Variants in DNAI2 observed in about 807,000 individuals in gnomAD.
DNAI2 encodes the protein dynein, axonemal, intermediate polypeptide 2.
A neutral mutation model predicts 74.7 loss-of-function variants in DNAI2; 63 were observed. The observed-to-expected ratio is 0.84, with a 90% CI of 0.69 to 1.04. DNAI2 has a LOEUF of 1.04. Among genes scored for constraint, DNAI2 ranks in the 50% least tolerant of loss-of-function variants. The pLI, the probability that DNAI2 is intolerant of heterozygous loss-of-function variation, is 0.00. For missense variants in DNAI2, 688 were observed against 803.2 expected, an observed-to-expected ratio of 0.86 and a Z score of 1.73; for synonymous variants, 289 against 314.9, an observed-to-expected ratio of 0.92 and a Z score of 0.87.
chr17:74,305,362 G>A lies in DNAI2; in HGVS notation c.1131G>A (p.Pro377=), dbSNP rs59499600. The change falls in exon 9 of 14, where the codon CCG becomes CCA. Residue 377 remains proline, a synonymous_variant. Coordinates refer to ENST00000311014, the MANE Select transcript of DNAI2 (RefSeq NM_023036.6). The part of the protein sequence containing the change: ...IYALQRNPFY[P]KNFLTVGDWT... The stretch of plus-strand genomic sequence containing the variant: ...CCCTCCAGAGAAACCCCTTCTACCC[G>A]AAGAACTTCCTGACGGTTGGCGACT... 2.3e-3 allele frequency: 3,717 copies of A among 1,614,112 alleles called. 68 individuals are homozygous for A. The African/African-American group carries it at 0.042, about 18-fold the overall frequency.
rs977190552 is a variant in DNAI2 at position 74,291,203 on chromosome 17, C to T, written c.724+70C>T. On this transcript the variant is annotated intron_variant, in intron 6 of 13. Coordinates refer to ENST00000311014, the MANE Select transcript of DNAI2 (RefSeq NM_023036.6). ...TAGATGGAATTTTGCTCTTGTTTCC[C>T]AGGCTGGAGTGTAGTGGTGCAATTT... 13 of 1,334,640 alleles carry T rather than the reference C, an allele frequency of 9.7e-6. No homozygotes were observed. In the African/African-American group the frequency reaches 1.8e-4, roughly 18 times the overall value. 82.7% of individuals were successfully genotyped at this position (1,334,640 alleles called of 1,614,324 possible). A position where few individuals can be genotyped will look rare whatever the true frequency, so the allele number is the denominator to read the frequency against.
chr17:74,292,846 T>TG (rs2052199367), intron 6 of DNAI2, among the ~76,000 whole-genome samples: 1 of 151,736 alleles, frequency 6.6e-6, no homozygotes, highest in Non-Finnish European at 1.5e-5. Context: ...TTTTTTTTTT[T>TG]TGGGACGGAG....
chr17:74,290,782 G>A (rs980466630), intron 5 of DNAI2, among the ~76,000 whole-genome samples: 3 of 152,096 alleles, frequency 2.0e-5, no homozygotes, highest in Non-Finnish European at 2.9e-5. Context: ...ACACACATAC[G>A]CACACCCCAA....
At chr17:74,298,218 C>G (rs1262653805) in intron 6 of DNAI2, among the ~76,000 whole-genome samples, 3 of 152,264 alleles carry the variant, frequency 2.0e-5, no homozygotes, top group African/African-American at 7.2e-5. Flanking sequence ...AAGGGCCCCT[C>G]TAGGGCCATG....
chr17:74,287,438 A>C (rs916466735), intron 4 of DNAI2, among the ~76,000 whole-genome samples: 2 of 152,256 alleles, frequency 1.3e-5, no homozygotes, highest in African/African-American at 2.4e-5. Context: ...GCCTGCACTC[A>C]TGCGAGTATA....
intron 4 of DNAI2, among the ~76,000 whole-genome samples, chr17:74,287,422 G>A (rs909010076): frequency 2.0e-5 from 3 of 152,210 alleles, no homozygotes; most frequent in Non-Finnish European, 4.4e-5. Context: ...ACAGGCCCCC[G>A]CCGCGGCCTG....
Position 74,291,134 on chromosome 17 carries a change from G to A in DNAI2, c.724+1G>A. 5 of 1,600,706 alleles carry A rather than the reference G, an allele frequency of 3.1e-6. No homozygotes were observed. The highest frequency in any genetic ancestry group is 4.3e-6 in the Non-Finnish European group (5 of 1,167,800). ...GGTGGCTGCTACAATGGACAGATAG[G>A]TAAGGAGGGACCTAGGCTTTTTTAT... On this transcript the variant is annotated splice_donor_variant, in intron 6 of 13. Coordinates refer to ENST00000311014, the MANE Select transcript of DNAI2 (RefSeq NM_023036.6). LOFTEE classifies it high-confidence loss of function.
chr17:74,283,422 CAT>C (rs2051503389), intron 2 of DNAI2, among the ~76,000 whole-genome samples: 1 of 152,154 alleles, frequency 6.6e-6, no homozygotes, highest in South Asian at 2.1e-4. Context: ...GCCTGGGCAA[CAT>C]AGTGAGACTT....
At chr17:74,279,500 A>G (rs1459579926) in intron 1 of DNAI2, among the ~76,000 whole-genome samples, 2 of 152,024 alleles carry the variant, frequency 1.3e-5, no homozygotes, top group Non-Finnish European at 2.9e-5. Flanking sequence ...AAAAAAAAAT[A>G]GCAAAACCTG....
Position 74,290,279 on chromosome 17 carries a change from G to T in DNAI2, c.610+543G>T, listed in dbSNP as rs182184285. Among the ~76,000 whole-genome samples, 164 of 152,326 alleles carry T rather than the reference G, an allele frequency of 1.1e-3. 2 individuals carry two copies. Among genetic ancestry groups the T allele is most frequent in the Non-Finnish European group, 3.2e-4 (22 of 68,028 alleles). ...TGCAGTGAGCCGAGATCATGCCACT[G>T]CACTCCATCCTGGGCAACAGAGTGA... On this transcript the variant is annotated intron_variant, in intron 5 of 13. Transcript: ENST00000311014.
chr17:74,290,941 C>A, intron 5 of DNAI2, 79 bp from the exon 6 acceptor site: 2 of 1,292,888 alleles, frequency 1.5e-6, no homozygotes, highest in South Asian at 1.2e-5. Context: ...CCGCTACCCA[C>A]CCGCAGAAGG....
At chr17:74,289,565 C>G (rs192223705) in intron 4 of DNAI2, 29 bp from the exon 5 acceptor site, 3 of 1,613,312 alleles carry the variant, frequency 1.9e-6, no homozygotes, top group African/African-American at 2.7e-5. Context: ...TCACATCCAG[C>G]CTTCTGCTCT....
At chr17:74,309,870 G>C in intron 10 of DNAI2, 147 bp from the exon 11 acceptor site, 1 of 1,047,804 alleles carries the variant, frequency 9.5e-7, no homozygotes. Flanking sequence ...ACCAGTCTCC[G>C]AGTTTGAACT....
chr17:74,292,792 C>T (rs1216103652), intron 6 of DNAI2, among the ~76,000 whole-genome samples: 1 of 150,578 alleles, frequency 6.6e-6, no homozygotes, highest in African/African-American at 2.4e-5. Flanking sequence ...TCCATGAGCA[C>T]TTGAGAAGAC....
intron 6 of DNAI2, 33 bp from the exon 7 acceptor site, chr17:74,299,685 C>G: frequency 6.2e-7 from 1 of 1,612,842 alleles, no homozygotes; most frequent in Non-Finnish European, 8.5e-7. Context: ...CCTGTGCCCC[C>G]TTCCACTCCT....
At chr17:74,298,761 C>T (rs12948999) in intron 6 of DNAI2, among the ~76,000 whole-genome samples, 3 of 151,676 alleles carry the variant, frequency 2.0e-5, no homozygotes, top group Admixed American at 6.6e-5. Context: ...AACAGCCTCC[C>T]GAGTAGCATG....
At chr17:74,279,142 G>A (rs938215753) in intron 1 of DNAI2, among the ~76,000 whole-genome samples, 2 of 152,158 alleles carry the variant, frequency 1.3e-5, no homozygotes, top group African/African-American at 4.8e-5. Context: ...ACTCCAGCCT[G>A]GGTGACAGAG....
chr17:74,294,035 G>A (rs567377861), intron 6 of DNAI2, among the ~76,000 whole-genome samples: 5 of 151,552 alleles, frequency 3.3e-5, no homozygotes, highest in South Asian at 2.1e-4. Context: ...TGCCCACCTC[G>A]GCCTCCCAAA....
In DNAI2 at chr17:74,300,997, G is replaced by A. The variant is rs750813377; in HGVS notation, c.865-49G>A. On this transcript the variant is annotated intron_variant, in intron 7 of 13. Transcript: ENST00000311014. The surrounding 1 kb of genome is among the most constrained non-coding windows in gnomAD (Gnocchi z 4.5). ...GTGAGGGCGGAGAAGGCAAAAGCCA[G>A]GGGAAATACAGGGCCTCGAAGTCTC... is the stretch of plus-strand genomic sequence containing the variant. 4 of 1,610,268 alleles carry A rather than the reference G, an allele frequency of 2.5e-6. No homozygotes were observed. In the African/African-American group the frequency reaches 5.3e-5, roughly 22 times the overall value.
Sources: gnomAD v4.1 joint callset for allele counts (sites outside exome capture counted in the v4.1 genomes callset) on GRCh38, gnomAD v4.1.1 for gene constraint, Gnocchi (gnomAD v3.1) non-coding constraint, MANE v1.5 for transcripts, NCBI Gene and HGNC (gene_info 2026-07-23, HGNC 2026-07-21) for gene names.